SH3RF3: variants seen among roughly 807,000 people sequenced by gnomAD.
SH3RF3 encodes the protein E3 ubiquitin-protein ligase SH3RF3.
A neutral mutation model predicts 66.3 loss-of-function variants in SH3RF3; 29 were observed. That is an observed-to-expected ratio of 0.44 (90% CI 0.33 to 0.60). The LOEUF is 0.60. SH3RF3 is among the 20% of genes least tolerant of loss of function. SH3RF3 has a pLI of 0.04. For missense variants in SH3RF3, 1,194 were observed against 1,190.9 expected, an observed-to-expected ratio of 1.00 and a Z score of -0.04; for synonymous variants, 583 against 532.0, an observed-to-expected ratio of 1.10 and a Z score of -1.32.
chr2:109,202,576 C>T (rs1023764935), intron 1 of SH3RF3, among the ~76,000 whole-genome samples: 1 of 152,204 alleles, frequency 6.6e-6, no homozygotes, highest in Non-Finnish European at 1.5e-5. Context: ...AGTGATTATT[C>T]TTTAAAAATT....
intron 1 of SH3RF3, among the ~76,000 whole-genome samples, chr2:109,149,754 G>A (rs1221992144): frequency 6.6e-6 from 1 of 152,226 alleles, no homozygotes; most frequent in Non-Finnish European, 1.5e-5. Flanking sequence ...TCAAGACGTT[G>A]TGAGTAAGTG....
intron 2 of SH3RF3, among the ~76,000 whole-genome samples, chr2:109,365,501 T>C (rs909886944): frequency 6.6e-6 from 1 of 152,222 alleles, no homozygotes; most frequent in African/African-American, 2.4e-5. Flanking sequence ...AGTTGCTTTT[T>C]CAGTTTGTTC....
intron 1 of SH3RF3, among the ~76,000 whole-genome samples, chr2:109,223,113 G>C (rs1490045774): frequency 6.6e-6 from 1 of 152,264 alleles, no homozygotes; most frequent in African/African-American, 2.4e-5. Flanking sequence ...GGGGGAAGCA[G>C]GTGGTTGGAG....
intron 8 of SH3RF3, among the ~76,000 whole-genome samples, chr2:109,453,545 C>T (rs1307470592): frequency 6.6e-6 from 1 of 152,160 alleles, no homozygotes; most frequent in Non-Finnish European, 1.5e-5. Flanking sequence ...GTGCAATGGG[C>T]TGCGTGCAGT....
At chr2:109,330,804 C>G (rs1459480304) in intron 1 of SH3RF3, among the ~76,000 whole-genome samples, 2 of 152,188 alleles carry the variant, frequency 1.3e-5, no homozygotes, top group African/African-American at 4.8e-5. Context: ...TCCCCACACA[C>G]TCCTAAAGAG....
At chr2:109,482,437 C>T (rs1352668435) in intron 8 of SH3RF3, among the ~76,000 whole-genome samples, 1 of 152,206 alleles carries the variant, frequency 6.6e-6, no homozygotes, top group African/African-American at 2.4e-5. Context: ...CGCAGCATCA[C>T]GCACTTCCCG....
At chr2:109,472,886 T>A (rs1023417919) in intron 8 of SH3RF3, among the ~76,000 whole-genome samples, 1 of 152,220 alleles carries the variant, frequency 6.6e-6, no homozygotes, top group Admixed American at 6.5e-5. Context: ...CAGACAGCCC[T>A]GCTCCAGCCT....
rs1054901150 is a variant in SH3RF3, at chr2:109,503,755, G to A, written c.*2084G>A. On this transcript the variant is annotated 3_prime_UTR_variant, in exon 10 of 10. Transcript: ENST00000309415. ...GAAGTCTTTTTTTTAAGGCGCGCAG[G>A]TACCAAGCAACAGAATAGAGTAACC... The A allele has an allele frequency of 6.6e-6, 1 of 152,140 alleles. No homozygotes were observed. Among genetic ancestry groups the A allele is most frequent in the East Asian group, 1.9e-4 (1 of 5,188 alleles). The allele number at this position is 152,140 out of a possible 1,614,324, so 9.4% of individuals were successfully genotyped here. A position where few individuals can be genotyped will look rare whatever the true frequency, so the allele number is the denominator to read the frequency against.
At chr2:109,198,549 T>C (rs1263172314) in intron 1 of SH3RF3, among the ~76,000 whole-genome samples, 1 of 152,136 alleles carries the variant, frequency 6.6e-6, no homozygotes, top group Admixed American at 6.5e-5. Flanking sequence ...CTGTGAGATG[T>C]TTGTTTCTCA....
At chr2:109,414,191 C>T (rs1029771775) in intron 4 of SH3RF3, among the ~76,000 whole-genome samples, 3 of 152,198 alleles carry the variant, frequency 2.0e-5, no homozygotes, top group Non-Finnish European at 4.4e-5. Context: ...GGCCACTGCA[C>T]CGTCTACCCT....
chr2:109,499,335 G>A (rs191624144), intron 9 of SH3RF3, among the ~76,000 whole-genome samples: 7 of 152,352 alleles, frequency 4.6e-5, no homozygotes, highest in South Asian at 4.1e-4. Flanking sequence ...CTGAGGGACC[G>A]TCAGCCAGGG....
chr2:109,365,526 T>C (rs1389703493), intron 2 of SH3RF3, among the ~76,000 whole-genome samples: 1 of 152,144 alleles, frequency 6.6e-6, no homozygotes, highest in Non-Finnish European at 1.5e-5. Context: ...TTTTTACTCA[T>C]TGTTAAGATG....
intron 1 of SH3RF3, among the ~76,000 whole-genome samples, chr2:109,197,091 C>G (rs1678521832): frequency 6.6e-6 from 1 of 152,152 alleles, no homozygotes; most frequent in Admixed American, 6.5e-5. Context: ...AGAACTGGCC[C>G]AAGGCAACAC....
At chr2:109,437,263 TCATGGCA>T in intron 7 of SH3RF3, 117 bp downstream of exon 7, 1 of 1,416,982 alleles carries the variant, frequency 7.1e-7, no homozygotes, top group Admixed American at 2.8e-5. Flanking sequence ...GGTGGCAGCT[TCATGGCA>T]GCTGGAGAAA....
At chr2:109,320,998 A>G (rs1421856418) in intron 1 of SH3RF3, among the ~76,000 whole-genome samples, 2 of 152,254 alleles carry the variant, frequency 1.3e-5, no homozygotes, top group Non-Finnish European at 2.9e-5. Flanking sequence ...AGGCATCTAC[A>G]TACCTACATA....
At chr2:109,472,115 T>C (rs1678532388) in intron 8 of SH3RF3, among the ~76,000 whole-genome samples, 1 of 152,168 alleles carries the variant, frequency 6.6e-6, no homozygotes, top group East Asian at 1.9e-4. Context: ...TTAATTATTA[T>C]TAATTAGTTA....
At chr2:109,160,574 A>G (rs1677465421) in intron 1 of SH3RF3, among the ~76,000 whole-genome samples, 1 of 152,112 alleles carries the variant, frequency 6.6e-6, no homozygotes, top group African/African-American at 2.4e-5. Flanking sequence ...TCTAGCAGTA[A>G]CTCCAAGAGG....
chr2:109,219,593 T>C (rs1679179519), intron 1 of SH3RF3, among the ~76,000 whole-genome samples: 1 of 152,160 alleles, frequency 6.6e-6, no homozygotes, highest in African/African-American at 2.4e-5. Context: ...AGTAAATGAA[T>C]TCGGCAAAGT....
intron 5 of SH3RF3, among the ~76,000 whole-genome samples, chr2:109,430,358 C>T (rs528191012): frequency 6.6e-6 from 1 of 152,224 alleles, no homozygotes; most frequent in Non-Finnish European, 1.5e-5. Flanking sequence ...TACTGATTCA[C>T]AAGCCTTCCA....
Sources: gnomAD v4.1 joint callset for allele counts (sites outside exome capture counted in the v4.1 genomes callset) on GRCh38, gnomAD v4.1.1 for gene constraint, MANE v1.5 for transcripts, NCBI Gene and HGNC (gene_info 2026-07-23, HGNC 2026-07-21) for gene names.